Variants in RFTN1 observed in about 807,000 individuals in gnomAD.
RFTN1 encodes raftlin.
Under a neutral mutation model 46.5 loss-of-function variants are expected in RFTN1, and 26 were observed. The observed-to-expected ratio is 0.56, with a 90% CI of 0.41 to 0.78. The LOEUF (loss-of-function observed/expected upper bound fraction) is 0.78, where lower values mean the gene tolerates loss of function less well. RFTN1 is among the 30% of genes least tolerant of loss of function. RFTN1 has a pLI of 0.00. For synonymous variants in RFTN1, 261 were observed against 284.2 expected, an observed-to-expected ratio of 0.92 and a Z score of 0.82; for missense variants, 693 against 718.7, an observed-to-expected ratio of 0.96 and a Z score of 0.41.
intron 7 of RFTN1, among the ~76,000 whole-genome samples, chr3:16,357,238 A>G (rs2125331502): frequency 6.6e-6 from 1 of 152,332 alleles, no homozygotes; most frequent in South Asian, 2.1e-4. Flanking sequence ...AGACTAGGCT[A>G]AAAAGTCCAT....
At chr3:16,456,746 G>T (rs571050496) in intron 2 of RFTN1, among the ~76,000 whole-genome samples, 1 of 152,166 alleles carries the variant, frequency 6.6e-6, no homozygotes, top group East Asian at 1.9e-4. Context: ...ATCATGGGTC[G>T]TGTAGCCACA....
rs985609958 is a variant in RFTN1, at chr3:16,348,520, G to A, written c.1146+9412C>T. ...GAGCCCACTGTGTCCAGGAGGCCTT[G>A]TTCAGTCTCTGCTCTCTCCCAGGGC... On this transcript the variant is annotated intron_variant, in intron 7 of 9. Coordinates refer to ENST00000334133, the MANE Select transcript of RFTN1 (RefSeq NM_015150.2). This position sits in a 1 kb window ranked among gnomAD's most constrained non-coding sequence, Gnocchi z 6.3. Among the ~76,000 whole-genome samples the A allele has an allele frequency of 3.3e-5, 5 of 152,140 alleles. No homozygotes were observed. Among genetic ancestry groups the A allele is most frequent in the African/African-American group, 4.8e-5 (2 of 41,428 alleles).
In RFTN1 at chr3:16,344,269, G is replaced by A. The variant is rs2071494794; in HGVS notation, c.1146+13663C>T. ...ACTAAGAAGTAACAGATTGGAAGGG[G>A]TTTAAGAAGTCAGGGAAACCTACTC... On this transcript the variant is annotated intron_variant, in intron 7 of 9. Transcript: ENST00000334133. The surrounding 1 kb of genome is among the most constrained non-coding windows in gnomAD (Gnocchi z 4.4). 1.3e-5 allele frequency among the ~76,000 whole-genome samples: 2 copies of A among 151,556 alleles called. No individual in the cohort carries two copies. Among genetic ancestry groups the A allele is most frequent in the African/African-American group, 4.9e-5 (2 of 41,212 alleles).
Position 16,410,415 on chromosome 3 carries a change from A to G in RFTN1, c.333-932T>C, listed in dbSNP as rs1022048124. Reference sequence around the variant, plus strand: ...GGGGATGGGGATGGGTGGTGATGGTATGGGTGTGGGGGTGGTGATCAAAAG... The same window carrying G: ...GGGGATGGGGATGGGTGGTGATGGTGTGGGTGTGGGGGTGGTGATCAAAAG... On this transcript the variant is annotated intron_variant, in intron 3 of 9. Transcript: ENST00000334133. The surrounding 1 kb of genome is among the most constrained non-coding windows in gnomAD (Gnocchi z 4.6). 6.6e-6 allele frequency among the ~76,000 whole-genome samples: 1 copy of G among 152,090 alleles called. No individual in the cohort carries two copies. The highest frequency in any genetic ancestry group is 2.4e-5 in the African/African-American group (1 of 41,414).
Position 16,498,775 on chromosome 3 carries a change from C to T in RFTN1, c.-8-4898G>A, listed in dbSNP as rs1182085662. Among the ~76,000 whole-genome samples, 1 of 152,226 alleles carries T rather than the reference C, an allele frequency of 6.6e-6. No individual in the cohort carries two copies. Among genetic ancestry groups the T allele is most frequent in the Non-Finnish European group, 1.5e-5 (1 of 68,044 alleles). On this transcript the variant is annotated intron_variant, in intron 1 of 9. Transcript: ENST00000334133. This position sits in a 1 kb window ranked among gnomAD's most constrained non-coding sequence, Gnocchi z 5.2. ...ATTTCGCCCTGGATTCTTCCACCAACTCCCACCCCTGTCAAAATAGGAAAG... is the reference window on the plus strand; with the variant it reads ...ATTTCGCCCTGGATTCTTCCACCAATTCCCACCCCTGTCAAAATAGGAAAG...
Position 16,370,082 on chromosome 3 carries a change from C to G in RFTN1, c.1024G>C (p.Val342Leu). Residue 342 changes from valine to leucine, a missense_variant, in exon 6 of 10, where the codon GTG becomes CTG. Val to Leu is a conservative substitution (Grantham distance 32). Transcript: ENST00000334133. The surrounding 1 kb of genome is among the most constrained non-coding windows in gnomAD (Gnocchi z 5.5). ...CTGTGAATTCCAAACATACCATTCACTATTCCAAGGTAGAAGACTGCGTTC... is the reference window on the plus strand; with the variant it reads ...CTGTGAATTCCAAACATACCATTCAGTATTCCAAGGTAGAAGACTGCGTTC... ...LVNAVFYLGIVNDSLHGLTDG... is the reference protein window; with the variant it reads ...LVNAVFYLGILNDSLHGLTDG... 6.2e-7 allele frequency: 1 copy of G among 1,614,200 alleles called. No individual in the cohort carries two copies. Among genetic ancestry groups the G allele is most frequent in the Non-Finnish European group, 8.5e-7 (1 of 1,179,994 alleles).
At position 16,384,391 on chromosome 3, in the gene RFTN1, G is replaced by T. The variant is rs2074095509; in HGVS notation, c.442-6289C>A. Among the ~76,000 whole-genome samples, 1 of 152,190 alleles carries T rather than the reference G, an allele frequency of 6.6e-6. No homozygotes were observed. Among genetic ancestry groups the T allele is most frequent in the South Asian group, 2.1e-4 (1 of 4,828 alleles). On this transcript the variant is annotated intron_variant, in intron 4 of 9. Transcript: ENST00000334133. The surrounding 1 kb of genome is among the most constrained non-coding windows in gnomAD (Gnocchi z 4.7). ...TGACTAGGCATGAAATAAAAGTTCGGTACAGGCTCCCAAATGACAGTGAGC... is the reference window on the plus strand; with the variant it reads ...TGACTAGGCATGAAATAAAAGTTCGTTACAGGCTCCCAAATGACAGTGAGC...
At chr3:16,482,463 A>G (rs903095062) in intron 2 of RFTN1, among the ~76,000 whole-genome samples, 1 of 152,208 alleles carries the variant, frequency 6.6e-6, no homozygotes, top group Non-Finnish European at 1.5e-5. Flanking sequence ...GGGTCCTTGA[A>G]TGACCGATCA....
In RFTN1 at chr3:16,484,294, C is replaced by G. The variant is rs1234736686; in HGVS notation, c.145+9431G>C. Among the ~76,000 whole-genome samples the G allele has an allele frequency of 6.6e-6, 1 of 152,136 alleles. No individual in the cohort carries two copies. Among genetic ancestry groups the G allele is most frequent in the South Asian group, 2.1e-4 (1 of 4,822 alleles). On this transcript the variant is annotated intron_variant, in intron 2 of 9. Transcript: ENST00000334133. This position sits in a 1 kb window ranked among gnomAD's most constrained non-coding sequence, Gnocchi z 4.6. ...GTAGTTGTGTGTCAGACTAACACCC[C>G]CCAGACTGGAGGTCAAAGAAAAACT...
In RFTN1 at chr3:16,458,620, CCA is replaced by C. The variant is rs1361746413; in HGVS notation, c.146-24585_146-24584del. On this transcript the variant is annotated intron_variant, in intron 2 of 9. Transcript: ENST00000334133. This position sits in a 1 kb window ranked among gnomAD's most constrained non-coding sequence, Gnocchi z 5.1. ...CATGCATAATGACAAGCATTTCGACCCACACACTCTATTTACATATCATAGCA... is the reference window on the plus strand; with the variant it reads ...CATGCATAATGACAAGCATTTCGACCCACACTCTATTTACATATCATAGCA... Among the ~76,000 whole-genome samples, 3 of 152,202 alleles carry C rather than the reference CCA, an allele frequency of 2.0e-5. No homozygotes were observed. The highest frequency in any genetic ancestry group is 3.9e-4 in the East Asian group (2 of 5,182).
chr3:16,355,730 G>A (rs1417826211), intron 7 of RFTN1, among the ~76,000 whole-genome samples: 1 of 152,220 alleles, frequency 6.6e-6, no homozygotes, highest in African/African-American at 2.4e-5. Flanking sequence ...ACCCCCGGAG[G>A]GTTCAGCAGA....
At chr3:16,464,223 A>C (rs2076052575) in intron 2 of RFTN1, among the ~76,000 whole-genome samples, 1 of 152,178 alleles carries the variant, frequency 6.6e-6, no homozygotes, top group South Asian at 2.1e-4. Context: ...AACGCTCTGC[A>C]GGTTTATTTT....
At chr3:16,488,695 A>G (rs561427506) in intron 2 of RFTN1, among the ~76,000 whole-genome samples, 1 of 152,336 alleles carries the variant, frequency 6.6e-6, no homozygotes, top group East Asian at 1.9e-4. Flanking sequence ...TTTGATGCCC[A>G]AGATTCTAGA....
rs1368801353 is a variant in RFTN1, at chr3:16,338,635, G to A, written c.1147-11759C>T. Among the ~76,000 whole-genome samples, 1 of 152,208 alleles carries A rather than the reference G, an allele frequency of 6.6e-6. No homozygotes were observed. Among genetic ancestry groups the A allele is most frequent in the East Asian group, 1.9e-4 (1 of 5,200 alleles). On this transcript the variant is annotated intron_variant, in intron 7 of 9. Coordinates refer to ENST00000334133, the MANE Select transcript of RFTN1 (RefSeq NM_015150.2). The surrounding 1 kb of genome is among the most constrained non-coding windows in gnomAD (Gnocchi z 5.3). The stretch of plus-strand genomic sequence containing the variant: ...CCAGGTCCCTCCTACTGGCTTTGAT[G>A]AGAGAGAAAACTAGGCTTTCTGGGA...
chr3:16,419,541 A>T (rs1163152973), intron 3 of RFTN1, among the ~76,000 whole-genome samples: 3 of 152,134 alleles, frequency 2.0e-5, no homozygotes, highest in African/African-American at 7.2e-5. Context: ...CAGGGGAATA[A>T]CCTGCACCTT....
At chr3:16,392,762 G>C (rs947125538) in intron 4 of RFTN1, among the ~76,000 whole-genome samples, 4 of 151,996 alleles carry the variant, frequency 2.6e-5, no homozygotes, top group Non-Finnish European at 5.9e-5. Context: ...TGAGTCTGCT[G>C]GGACGTATGA....
intron 4 of RFTN1, among the ~76,000 whole-genome samples, chr3:16,391,800 A>G (rs1230559206): frequency 1.3e-5 from 2 of 151,534 alleles, no homozygotes; most frequent in Admixed American, 1.3e-4. Flanking sequence ...GATTGACCAT[A>G]GACTCACAGA....
chr3:16,492,311 T>G (rs2076549279), intron 2 of RFTN1, among the ~76,000 whole-genome samples: 2 of 151,526 alleles, frequency 1.3e-5, no homozygotes, highest in African/African-American at 4.9e-5. Context: ...GCAGAAAGAG[T>G]AGTCAAGGAG....
chr3:16,398,430 T>C (rs1480077284), intron 4 of RFTN1, among the ~76,000 whole-genome samples: 1 of 152,100 alleles, frequency 6.6e-6, no homozygotes, highest in Non-Finnish European at 1.5e-5. Context: ...TTCAGCCCTT[T>C]AGGCTTCACT....
Sources: gnomAD v4.1 joint callset for allele counts (sites outside exome capture counted in the v4.1 genomes callset) on GRCh38, gnomAD v4.1.1 for gene constraint, Gnocchi (gnomAD v3.1) non-coding constraint, MANE v1.5 for transcripts, NCBI Gene and HGNC (gene_info 2026-07-23, HGNC 2026-07-21) for gene names.